GLIS1: variants seen among roughly 807,000 people sequenced by gnomAD.
GLIS1 encodes GLIS family zinc finger 1, also known as zinc finger protein GLIS1.
GLIS1 carries 24 observed loss-of-function variants against 63.8 expected under a neutral mutation model. The ratio of observed to expected loss-of-function variants is 0.38; its 90% CI spans 0.27 to 0.53. The LOEUF (loss-of-function observed/expected upper bound fraction) is 0.53. Among genes scored for constraint, GLIS1 ranks in the 20% least tolerant of loss-of-function variants. The pLI is 0.85. For synonymous variants in GLIS1, 450 were observed against 482.5 expected, an observed-to-expected ratio of 0.93 and a Z score of 0.88; for missense variants, 1,036 against 1,074.1, an observed-to-expected ratio of 0.96 and a Z score of 0.50.
At chr1:53,621,420 A>C (rs558394983) in intron 2 of GLIS1, among the ~76,000 whole-genome samples, 203 of 152,366 alleles carry the variant, frequency 1.3e-3, no homozygotes, top group African/African-American at 4.7e-3. Flanking sequence ...GGCCCCAGAC[A>C]CCAAGCCCCA....
At chr1:53,507,831 C>G (rs552368486) in intron 10 of GLIS1, among the ~76,000 whole-genome samples, 68 of 152,328 alleles carry the variant, frequency 4.5e-4, no homozygotes, top group Non-Finnish European at 8.2e-4. Flanking sequence ...CCTTGCTGCT[C>G]AGCTGAGAAA....
chr1:53,589,689 C>A (rs1206621604), intron 4 of GLIS1, among the ~76,000 whole-genome samples: 1 of 152,202 alleles, frequency 6.6e-6, no homozygotes, highest in Non-Finnish European at 1.5e-5. Context: ...AGTGCAGCTG[C>A]AGTGGCCAGA....
intron 2 of GLIS1, among the ~76,000 whole-genome samples, chr1:53,702,675 C>T (rs556021469): frequency 2.6e-5 from 4 of 152,226 alleles, no homozygotes; most frequent in Non-Finnish European, 5.9e-5. Flanking sequence ...TGACAGTCTG[C>T]CCTGAAATTC....
At chr1:53,602,446 T>C (rs1645328090) in intron 2 of GLIS1, among the ~76,000 whole-genome samples, 7 of 152,144 alleles carry the variant, frequency 4.6e-5, no homozygotes, top group Admixed American at 4.6e-4. Context: ...ACCAGGGTCT[T>C]TCTCCCAGGG....
At chr1:53,525,008 T>G in intron 5 of GLIS1, 121 bp from the exon 6 acceptor site, 25 of 693,916 alleles carry the variant, frequency 3.6e-5, no homozygotes, top group Non-Finnish European at 2.7e-5. Flanking sequence ...AAGAGTACTC[T>G]GCCTCAGCCA....
At chr1:53,556,747 T>C (rs1032868640) in intron 4 of GLIS1, among the ~76,000 whole-genome samples, 5 of 149,488 alleles carry the variant, frequency 3.3e-5, no homozygotes, top group South Asian at 2.1e-4. Flanking sequence ...GGTGTGTGTG[T>C]GCGCAGATAC....
chr1:53,549,081 C>A (rs1408046490), intron 4 of GLIS1, among the ~76,000 whole-genome samples: 1 of 152,210 alleles, frequency 6.6e-6, no homozygotes, highest in Non-Finnish European at 1.5e-5. Context: ...GTCATGTTTT[C>A]AAGGCTCATC....
intron 4 of GLIS1, among the ~76,000 whole-genome samples, chr1:53,567,600 A>G (rs1644946456): frequency 6.6e-6 from 1 of 152,204 alleles, no homozygotes; most frequent in Non-Finnish European, 1.5e-5. Flanking sequence ...AGCCCCTCCC[A>G]TTACAGGACC....
chr1:53,532,790 G>C (rs962063418), intron 4 of GLIS1, among the ~76,000 whole-genome samples: 1 of 152,220 alleles, frequency 6.6e-6, no homozygotes. Flanking sequence ...GACCATGATC[G>C]ATACATCATC....
intron 2 of GLIS1, among the ~76,000 whole-genome samples, chr1:53,675,710 C>A (rs1015042315): frequency 7.9e-5 from 12 of 152,156 alleles, no homozygotes; most frequent in Non-Finnish European, 1.8e-4. Context: ...CTCATTTTGG[C>A]AGAGGCTTAT....
chr1:53,698,467 G>A (rs958348724), intron 2 of GLIS1, among the ~76,000 whole-genome samples: 1 of 152,220 alleles, frequency 6.6e-6, no homozygotes, highest in Admixed American at 6.5e-5. Flanking sequence ...AAAGCTGTGA[G>A]GAAGACTGGC....
intron 2 of GLIS1, among the ~76,000 whole-genome samples, chr1:53,666,304 G>A (rs1283991195): frequency 6.6e-6 from 1 of 152,178 alleles, no homozygotes; most frequent in Non-Finnish European, 1.5e-5. Flanking sequence ...TCCCTAACCT[G>A]CAGATAAGGA....
At chr1:53,637,854 A>G (rs1175987339) in intron 2 of GLIS1, among the ~76,000 whole-genome samples, 1 of 152,184 alleles carries the variant, frequency 6.6e-6, no homozygotes, top group Non-Finnish European at 1.5e-5. Context: ...CCTGGGCCAG[A>G]CAGTCAGGGG....
chr1:53,674,590 A>T (rs970324691), intron 2 of GLIS1, among the ~76,000 whole-genome samples: 12 of 152,170 alleles, frequency 7.9e-5, no homozygotes, highest in Non-Finnish European at 1.3e-4. Context: ...CCTAGCCAGG[A>T]TGTTCAGCAT....
chr1:53,731,441 G>C (rs1351785194), intron 2 of GLIS1, among the ~76,000 whole-genome samples: 2 of 152,326 alleles, frequency 1.3e-5, no homozygotes, highest in South Asian at 4.1e-4. Context: ...GGGCTTCCTT[G>C]GGGGCGCGCA....
rs540405427 is a variant in GLIS1 at position 53,512,696 on chromosome 1, G to C, written c.1883+1929C>G. ...TACCCGCAGGCAGGGGTGGGCAGGC[G>C]GGGGTCCCGTCTTGTCATCACTCTG... On this transcript the variant is annotated intron_variant, in intron 8 of 10. Coordinates refer to ENST00000628545, the MANE Select transcript of GLIS1 (RefSeq NM_001367484.1). Among the ~76,000 whole-genome samples, 6 of 152,278 alleles carry C rather than the reference G, an allele frequency of 3.9e-5. 1 individual carries two copies. In the South Asian group the frequency reaches 1.2e-3, roughly 32 times the overall value.
intron 7 of GLIS1, among the ~76,000 whole-genome samples, chr1:53,517,993 A>T (rs568994000): frequency 6.6e-6 from 1 of 152,374 alleles, no homozygotes; most frequent in Non-Finnish European, 1.5e-5. Flanking sequence ...GCTCTCCCCA[A>T]AACGCACCAC....
chr1:53,687,289 C>G (rs1009493477), intron 2 of GLIS1, among the ~76,000 whole-genome samples: 6 of 152,194 alleles, frequency 3.9e-5, no homozygotes, highest in Admixed American at 2.0e-4. Flanking sequence ...AAGGCACCAC[C>G]CGCCCACCTG....
rs550760173 is a variant in GLIS1 at position 53,581,071 on chromosome 1, C to T, written c.1320+13037G>A. 2.0e-5 allele frequency among the ~76,000 whole-genome samples: 3 copies of T among 152,316 alleles called. No individual in the cohort carries two copies. In the South Asian group the frequency reaches 6.2e-4, roughly 32 times the overall value. ...GGCCTCAGTTTCCAAATTTGTGTTT[C>T]CAGTCGCAGCAGATGGTTTCTATGT... On this transcript the variant is annotated intron_variant, in intron 4 of 10. Transcript: ENST00000628545.
Sources: allele counts gnomAD v4.1 joint callset (sites outside exome capture counted in the v4.1 genomes callset), GRCh38; gene constraint gnomAD v4.1.1; transcripts MANE v1.5; gene names NCBI Gene and HGNC (gene_info 2026-07-23, HGNC 2026-07-21).